The following FSTL4 variants were observed in gnomAD, a reference collection of about 807,000 sequenced individuals.
The protein encoded by FSTL4 is follistatin-related protein 4.
FSTL4 carries 28 observed loss-of-function variants against 78.2 expected under a neutral mutation model. The ratio of observed to expected loss-of-function variants is 0.36; its 90% CI spans 0.27 to 0.49. FSTL4 has a LOEUF of 0.49. FSTL4 is among the 20% of genes least tolerant of loss of function. The pLI, the probability that FSTL4 is intolerant of heterozygous loss-of-function variation, is 0.98. For synonymous variants in FSTL4, 422 were observed against 440.5 expected, an observed-to-expected ratio of 0.96 and a Z score of 0.53; for missense variants, 922 against 1,084.9, an observed-to-expected ratio of 0.85 and a Z score of 2.11.
the FSTL4 span, among the ~76,000 whole-genome samples, chr5:133,620,205 G>A: frequency 6.6e-6 from 1 of 152,220 alleles, no homozygotes; most frequent in African/African-American, 2.4e-5. Flanking sequence ...GGAATTTCAT[G>A]CTTTAAAACA....
At chr5:133,697,273 C>T in the FSTL4 span, among the ~76,000 whole-genome samples, 1 of 152,148 alleles carries the variant, frequency 6.6e-6, no homozygotes, top group African/African-American at 2.4e-5. Context: ...CTCGGTGGGG[C>T]TACAGCCAGG....
chr5:133,523,200 GGTAGCTGT>G (rs1401280031), intron 3 of FSTL4, among the ~76,000 whole-genome samples: 1 of 152,196 alleles, frequency 6.6e-6, no homozygotes, highest in East Asian at 1.9e-4. Context: ...ACAGCAAGAA[GGTAGCTGT>G]GTGCAAGCCC....
intron 4 of FSTL4, among the ~76,000 whole-genome samples, chr5:133,320,984 G>T (rs1754035883): frequency 7.8e-6 from 1 of 128,526 alleles, no homozygotes; most frequent in Non-Finnish European, 1.6e-5. Flanking sequence ...TCCAGCCTGG[G>T]TGACAGAGCG....
intron 3 of FSTL4, among the ~76,000 whole-genome samples, chr5:133,427,339 A>G (rs559382572): frequency 3.5e-4 from 53 of 152,326 alleles, no homozygotes; most frequent in African/African-American, 1.2e-3. Context: ...CCTGTTCTCA[A>G]GGAATGAACC....
chr5:133,667,541 C>T, the FSTL4 span, among the ~76,000 whole-genome samples: 1 of 152,184 alleles, frequency 6.6e-6, no homozygotes, highest in East Asian at 1.9e-4. Flanking sequence ...TCTTTCCTGA[C>T]TCACTCAGCT....
chr5:133,468,342 G>A (rs1757755037), intron 3 of FSTL4, among the ~76,000 whole-genome samples: 1 of 152,248 alleles, frequency 6.6e-6, no homozygotes. Context: ...CAGACCCTGG[G>A]TGCCACAGTC....
intron 3 of FSTL4, among the ~76,000 whole-genome samples, chr5:133,566,975 T>A (rs945719718): frequency 2.6e-5 from 4 of 152,194 alleles, no homozygotes; most frequent in Non-Finnish European, 4.4e-5. Context: ...CTCTGGTACT[T>A]GAAGGTAGAA....
At chr5:133,582,501 C>T (rs1760438310) in intron 2 of FSTL4, among the ~76,000 whole-genome samples, 1 of 152,276 alleles carries the variant, frequency 6.6e-6, no homozygotes, top group East Asian at 1.9e-4. Context: ...CAGCATAGCA[C>T]CCAGCCTGAA....
intron 3 of FSTL4, among the ~76,000 whole-genome samples, chr5:133,509,286 T>A (rs549543792): frequency 1.3e-5 from 2 of 152,248 alleles, no homozygotes; most frequent in South Asian, 4.2e-4. Flanking sequence ...TCCTCTGGGC[T>A]CTGGATTCTC....
chr5:133,733,665 A>G, the FSTL4 span, among the ~76,000 whole-genome samples: 1 of 152,246 alleles, frequency 6.6e-6, no homozygotes, highest in African/African-American at 2.4e-5. Context: ...TAACAACTCC[A>G]TTAGTTATCT....
At chr5:133,797,289 A>C in the FSTL4 span, among the ~76,000 whole-genome samples, 1 of 152,256 alleles carries the variant, frequency 6.6e-6, no homozygotes, top group African/African-American at 2.4e-5. Context: ...AGGTGGATTC[A>C]TGGATTCTTT....
In FSTL4 at chr5:133,535,293, T is replaced by TA. The variant is rs528383255; in HGVS notation, c.160+31892dup. 1.3e-3 allele frequency among the ~76,000 whole-genome samples: 196 copies of TA among 152,266 alleles called. 1 individual carries two copies. The highest frequency in any genetic ancestry group is 4.3e-3 in the African/African-American group (180 of 41,558). On this transcript the variant is annotated intron_variant, in intron 3 of 15. Transcript: ENST00000265342. Reference sequence around the variant, plus strand: ...ATAAACTGGCCCCAAAACTGGCCATTAAAAAAATCTCTGCAGCAATGTAAC... The same window carrying TA: ...ATAAACTGGCCCCAAAACTGGCCATTAAAAAAAATCTCTGCAGCAATGTAAC...
At chr5:133,482,608 G>A (rs533446834) in intron 3 of FSTL4, among the ~76,000 whole-genome samples, 5 of 152,210 alleles carry the variant, frequency 3.3e-5, no homozygotes, top group Non-Finnish European at 4.4e-5. Flanking sequence ...CAGCTCCACA[G>A]CAGAAACAGA....
chr5:133,620,971 A>G, the FSTL4 span, among the ~76,000 whole-genome samples: 1 of 152,228 alleles, frequency 6.6e-6, no homozygotes, highest in African/African-American at 2.4e-5. Context: ...ATACTTGCAT[A>G]TGCATGTTTA....
chr5:133,771,105 A>G, the FSTL4 span, among the ~76,000 whole-genome samples: 2 of 152,076 alleles, frequency 1.3e-5, no homozygotes, highest in Admixed American at 6.6e-5. Context: ...TAGCAGTGCC[A>G]TGCTGTTTTG....
chr5:133,637,298 T>A, the FSTL4 span, among the ~76,000 whole-genome samples: 67 of 152,174 alleles, frequency 4.4e-4, no homozygotes, highest in African/African-American at 1.4e-3. Flanking sequence ...CTGAAACTCA[T>A]CTTGTAACGT....
At chr5:133,648,898 T>C in the FSTL4 span, among the ~76,000 whole-genome samples, 2 of 152,182 alleles carry the variant, frequency 1.3e-5, no homozygotes, top group African/African-American at 4.8e-5. Flanking sequence ...ATAGTTCACA[T>C]TAGGGTTCAC....
intron 1 of FSTL4, among the ~76,000 whole-genome samples, chr5:133,605,476 G>A (rs1056702012): frequency 3.9e-5 from 6 of 152,216 alleles, no homozygotes; most frequent in Non-Finnish European, 8.8e-5. Context: ...AGACAATGGG[G>A]TGGAAGTTGT....
chr5:133,204,834 CAAA>C (rs33932730), intron 14 of FSTL4, among the ~76,000 whole-genome samples: 3 of 129,062 alleles, frequency 2.3e-5, no homozygotes, highest in African/African-American at 8.8e-5. Context: ...GATTCTGTCT[CAAA>C]AAAAAAAAAA....
Sources: gnomAD v4.1 joint callset for allele counts (sites outside exome capture counted in the v4.1 genomes callset) on GRCh38, gnomAD v4.1.1 for gene constraint, MANE v1.5 for transcripts, NCBI Gene and HGNC (gene_info 2026-07-23, HGNC 2026-07-21) for gene names.